Variants in EVC2 observed in about 807,000 individuals in gnomAD.
The protein encoded by EVC2 is limbin.
Under a neutral mutation model 149.3 loss-of-function variants are expected in EVC2, and 148 were observed. The ratio of observed to expected loss-of-function variants is 0.99; its 90% CI spans 0.87 to 1.14. The LOEUF is 1.14. Ranked by LOEUF, EVC2 falls within the 50% of genes most tolerant of loss-of-function variation. The pLI, the probability that EVC2 is intolerant of heterozygous loss-of-function variation, is 0.00. For missense variants in EVC2, 1,854 were observed against 1,627.3 expected, an observed-to-expected ratio of 1.14 and a Z score of -2.40; for synonymous variants, 776 against 649.9, an observed-to-expected ratio of 1.19 and a Z score of -2.95.
downstream of EVC2, among the ~76,000 whole-genome samples, chr4:5,540,126 AAAGAG>A (rs1375115053): frequency 2.0e-5 from 3 of 152,230 alleles, no homozygotes; most frequent in Non-Finnish European, 4.4e-5. Flanking sequence ...TTAAAACTGC[AAAGAG>A]AAATCGCTGC....
chr4:5,650,295 CCT>C (rs1166263012), intron 9 of EVC2, among the ~76,000 whole-genome samples: 1 of 152,046 alleles, frequency 6.6e-6, no homozygotes, highest in African/African-American at 2.4e-5. Flanking sequence ...AGTAGGACTA[CCT>C]CTCTCTGCCT....
At position 5,576,279 on chromosome 4, in the gene EVC2, A is replaced by T; in HGVS notation, c.3233T>A (p.Leu1078Gln). The T allele has an allele frequency of 6.2e-7, 1 of 1,614,152 alleles. No homozygotes were observed. Reference protein sequence around the residue: ...RQVSTVLHQALSKSQTLLEQH... With the variant: ...RQVSTVLHQAQSKSQTLLEQH... ...CTCCAGTAATGTCTGGCTCTTGCTC[A>T]GGGCTTGGTGCAGGACAGTAGAGAC... The change falls in exon 18 of 22, where the codon CTG (leucine) becomes CAG (glutamine). Residue 1078 changes from leucine to glutamine, a missense_variant. Coordinates refer to ENST00000344408, the MANE Select transcript of EVC2 (RefSeq NM_147127.5). This position sits in a 1 kb window ranked among gnomAD's most constrained non-coding sequence, Gnocchi z 4.5.
chr4:5,699,883 G>A (rs1280008556), intron 1 of EVC2, among the ~76,000 whole-genome samples: 1 of 152,148 alleles, frequency 6.6e-6, no homozygotes, highest in East Asian at 1.9e-4. Flanking sequence ...GCTCACGCCT[G>A]TAATCCCAGC....
intron 9 of EVC2, among the ~76,000 whole-genome samples, chr4:5,642,068 C>CTGAGGG (rs11283176): frequency 6.6e-6 from 1 of 151,164 alleles, no homozygotes; most frequent in African/African-American, 2.4e-5. Context: ...TGTTAGTTTG[C>CTGAGGG]TAAGAGTTTC....
chr4:5,562,139 G>T (rs1015750114), downstream of EVC2, among the ~76,000 whole-genome samples: 2 of 152,176 alleles, frequency 1.3e-5, no homozygotes, highest in African/African-American at 4.8e-5. This position sits in a 1 kb window ranked among gnomAD's most constrained non-coding sequence, Gnocchi z 4.3. Context: ...AAGGCCAGGA[G>T]AAAGGATAAG....
chr4:5,708,273 G>C lies in EVC2; in HGVS notation c.228+13C>G. 1.4e-6 allele frequency: 2 copies of C among 1,474,954 alleles called. No homozygotes were observed. 91.4% of individuals were successfully genotyped at this position (1,474,954 alleles called of 1,614,324 possible). On this transcript the variant is annotated intron_variant, in intron 1 of 21. Coordinates refer to ENST00000344408, the MANE Select transcript of EVC2 (RefSeq NM_147127.5). Reference sequence around the variant, plus strand: ...TACAGTCAGACCGGAGCCTGGGGTCGGGCCCTCCTTACCTGCGTGCTGCTC... The same window carrying C: ...TACAGTCAGACCGGAGCCTGGGGTCCGGCCCTCCTTACCTGCGTGCTGCTC...
At chr4:5,551,704 G>A (rs1312586895) in intron 21 of EVC2, among the ~76,000 whole-genome samples, 1 of 152,150 alleles carries the variant, frequency 6.6e-6, no homozygotes, top group Non-Finnish European at 1.5e-5. Flanking sequence ...GAATGATTAT[G>A]GTTTCACTAT....
At chr4:5,585,893 G>A (rs546332430) in intron 16 of EVC2, among the ~76,000 whole-genome samples, 48 of 151,990 alleles carry the variant, frequency 3.2e-4, no homozygotes, top group Admixed American at 1.3e-3. Context: ...ACACAGTCTC[G>A]CTCTGTCACC....
chr4:5,529,265 G>A, the EVC2 span, among the ~76,000 whole-genome samples: 1 of 152,040 alleles, frequency 6.6e-6, no homozygotes, highest in African/African-American at 2.4e-5. This position sits in a 1 kb window ranked among gnomAD's most constrained non-coding sequence, Gnocchi z 4.5. Flanking sequence ...CAGGTACATG[G>A]GTCAATTCAG....
chr4:5,615,604 TCCC>T, intron 15 of EVC2, 60 bp from the exon 16 acceptor site: 2 of 1,612,694 alleles, frequency 1.2e-6, no homozygotes, highest in Non-Finnish European at 1.7e-6. Context: ...TCCATGCAGC[TCCC>T]CCGAGGGCTT....
chr4:5,587,781 G>C (rs1262000032), intron 16 of EVC2, among the ~76,000 whole-genome samples: 1 of 152,118 alleles, frequency 6.6e-6, no homozygotes, highest in Admixed American at 6.5e-5. Flanking sequence ...ACGTGACTGG[G>C]GGCTGCATAC....
chr4:5,537,960 A>C (rs1721450669), downstream of EVC2, among the ~76,000 whole-genome samples: 1 of 152,136 alleles, frequency 6.6e-6, no homozygotes, highest in Non-Finnish European at 1.5e-5. Flanking sequence ...GTGAAATACA[A>C]AACAGAAAAA....
chr4:5,603,757 G>A (rs1283963151), intron 16 of EVC2, among the ~76,000 whole-genome samples: 1 of 152,212 alleles, frequency 6.6e-6, no homozygotes, highest in Non-Finnish European at 1.5e-5. Flanking sequence ...GTGCCATGCA[G>A]ACAGAGAGCA....
intron 11 of EVC2, among the ~76,000 whole-genome samples, chr4:5,631,546 G>GC (rs1716529231): frequency 6.7e-6 from 1 of 148,648 alleles, no homozygotes; most frequent in Admixed American, 6.8e-5. Flanking sequence ...GAGGTAACTT[G>GC]CTCAAGTTCA....
chr4:5,684,263 C>G (rs1460151902), intron 6 of EVC2, among the ~76,000 whole-genome samples: 1 of 152,058 alleles, frequency 6.6e-6, no homozygotes, highest in African/African-American at 2.4e-5. Flanking sequence ...TGTATTTAGC[C>G]TCTTTCATGT....
chr4:5,545,182 G>A (rs766129536), intron 21 of EVC2, among the ~76,000 whole-genome samples: 2 of 152,202 alleles, frequency 1.3e-5, no homozygotes, highest in African/African-American at 2.4e-5. Flanking sequence ...CTCTCCAGGA[G>A]ACATTCGCTC....
At chr4:5,556,565 A>T (rs545611557) in intron 21 of EVC2, among the ~76,000 whole-genome samples, 63 of 152,204 alleles carry the variant, frequency 4.1e-4, no homozygotes, top group African/African-American at 1.5e-3. Context: ...GGCCAAAGCA[A>T]TCAGAAAAAA....
intron 1 of EVC2, among the ~76,000 whole-genome samples, chr4:5,705,912 A>T (rs1577280304): frequency 6.6e-6 from 1 of 152,130 alleles, no homozygotes; most frequent in African/African-American, 2.4e-5. Context: ...TGATGAAATT[A>T]AAAAAGGTAA....
chr4:5,600,258 C>G (rs2108809630), intron 16 of EVC2, among the ~76,000 whole-genome samples: 1 of 152,294 alleles, frequency 6.6e-6, no homozygotes, highest in East Asian at 1.9e-4. Flanking sequence ...TAGCTGTCAT[C>G]ATCATTACCA....
Sources: gnomAD v4.1 joint callset for allele counts (sites outside exome capture counted in the v4.1 genomes callset) on GRCh38, gnomAD v4.1.1 for gene constraint, Gnocchi (gnomAD v3.1) non-coding constraint, MANE v1.5 for transcripts, NCBI Gene and HGNC (gene_info 2026-07-23, HGNC 2026-07-21) for gene names.